BRD10: variants seen among roughly 807,000 people sequenced by gnomAD.
BRD10 encodes uncharacterized bromodomain-containing protein 10.
At chr9:5,903,401 G>A in the BRD10 span, among the ~76,000 whole-genome samples, 532 of 152,206 alleles carry the variant, frequency 3.5e-3, 1 homozygote, top group Non-Finnish European at 5.4e-3. Context: ...ATATTGTTAG[G>A]TTTGATTTGC....
the BRD10 span, among the ~76,000 whole-genome samples, chr9:5,880,477 G>GC: frequency 2.3e-5 from 2 of 86,050 alleles, no homozygotes; most frequent in African/African-American, 6.0e-5. Context: ...TCCCGCCACT[G>GC]CACTCCAGCC....
chr9:5,972,751 C>T, the BRD10 span, among the ~76,000 whole-genome samples: 69 of 152,270 alleles, frequency 4.5e-4, 1 homozygote, highest in South Asian at 1.7e-3. Context: ...GAACCATGAG[C>T]CAAATAACCC....
the BRD10 span, chr9:5,988,552 G>GTC: frequency 1.2e-6 from 2 of 1,608,798 alleles, no homozygotes; most frequent in Non-Finnish European, 1.7e-6. Context: ...GTGCCTTGGA[G>GTC]AAGAATAAGT....
At chr9:5,948,782 T>A in the BRD10 span, among the ~76,000 whole-genome samples, 3 of 152,106 alleles carry the variant, frequency 2.0e-5, no homozygotes, top group Non-Finnish European at 1.5e-5. Flanking sequence ...AATAAAAAGA[T>A]CCTGTAATTT....
the BRD10 span, among the ~76,000 whole-genome samples, chr9:5,967,050 G>A: frequency 6.6e-6 from 1 of 152,094 alleles, no homozygotes; most frequent in African/African-American, 2.4e-5. Context: ...ACACCAATTA[G>A]CTAAAAGATT....
chr9:5,982,405 T>G, the BRD10 span, among the ~76,000 whole-genome samples: 1 of 152,216 alleles, frequency 6.6e-6, no homozygotes, highest in Non-Finnish European at 1.5e-5. Context: ...TGTTGAAATT[T>G]AATCCACAAT....
chr9:5,953,707 C>A, the BRD10 span, among the ~76,000 whole-genome samples: 7 of 151,578 alleles, frequency 4.6e-5, no homozygotes, highest in African/African-American at 1.7e-4. Flanking sequence ...TACACACACA[C>A]ACACATATAC....
the BRD10 span, among the ~76,000 whole-genome samples, chr9:5,911,603 C>G: frequency 6.6e-6 from 1 of 150,460 alleles, no homozygotes; most frequent in African/African-American, 2.5e-5. Flanking sequence ...GGCACATTCT[C>G]AGCTCACTGC....
the BRD10 span, chr9:5,908,873 A>C: frequency 2.2e-4 from 133 of 603,964 alleles, 2 homozygotes; most frequent in Admixed American, 3.7e-3. Flanking sequence ...TAGCAGTACT[A>C]ATCATGTGAG....
At chr9:5,958,378 T>G in the BRD10 span, among the ~76,000 whole-genome samples, 1 of 152,212 alleles carries the variant, frequency 6.6e-6, no homozygotes, top group African/African-American at 2.4e-5. Flanking sequence ...CCCCTTTCAG[T>G]TCCCCTTTCT....
the BRD10 span, among the ~76,000 whole-genome samples, chr9:5,913,319 G>T: frequency 5.3e-5 from 8 of 152,182 alleles, no homozygotes; most frequent in East Asian, 1.2e-3. Context: ...CTCAAAAAAA[G>T]AACAGAAGGG....
the BRD10 span, chr9:6,007,298 T>A: frequency 6.2e-7 from 1 of 1,613,890 alleles, no homozygotes; most frequent in Non-Finnish European, 8.5e-7. Context: ...GTCTCCAGCA[T>A]CAACCTGAAG....
chr9:5,940,868 G>A, the BRD10 span, among the ~76,000 whole-genome samples: 2 of 152,116 alleles, frequency 1.3e-5, no homozygotes, highest in Non-Finnish European at 2.9e-5. Context: ...GATAAAAGAT[G>A]TATTAGAAAA....
chr9:5,984,976 C>T, the BRD10 span, among the ~76,000 whole-genome samples: 1 of 151,580 alleles, frequency 6.6e-6, no homozygotes, highest in Admixed American at 6.6e-5. Context: ...AAAAAAAACC[C>T]CATAAAGTTG....
the BRD10 span, among the ~76,000 whole-genome samples, chr9:5,938,808 T>G: frequency 6.6e-6 from 1 of 152,198 alleles, no homozygotes; most frequent in East Asian, 1.9e-4. Context: ...CCAGAAGATC[T>G]AGAATAAAAA....
chr9:5,918,850 C>G, the BRD10 span, among the ~76,000 whole-genome samples: 1 of 148,298 alleles, frequency 6.7e-6, no homozygotes, highest in Admixed American at 6.7e-5. Flanking sequence ...TTCTGAAACA[C>G]AAGATTTAAG....
chr9:5,881,800 C>A, the BRD10 span: 1 of 152,136 alleles, frequency 6.6e-6, no homozygotes, highest in Non-Finnish European at 1.5e-5. Flanking sequence ...AAATATCATC[C>A]TGATTTCTCT....
chr9:5,948,899 A>G, the BRD10 span, among the ~76,000 whole-genome samples: 1 of 152,268 alleles, frequency 6.6e-6, no homozygotes, highest in East Asian at 1.9e-4. Flanking sequence ...TGCAGATGGG[A>G]AAATTTCTTT....
chr9:5,892,358 C>T, the BRD10 span: 8 of 792,580 alleles, frequency 1.0e-5, no homozygotes, highest in Non-Finnish European at 1.5e-5. Context: ...GGATATTGGT[C>T]ACCTAGTGAG....
Sources: gnomAD v4.1 joint callset for allele counts (sites outside exome capture counted in the v4.1 genomes callset) on GRCh38, gnomAD v4.1.1 for gene constraint, MANE v1.5 for transcripts, NCBI Gene and HGNC (gene_info 2026-07-23, HGNC 2026-07-21) for gene names.